KANK1: variants seen among roughly 807,000 people sequenced by gnomAD.
The protein encoded by KANK1 is KN motif and ankyrin repeat domains 1.
A neutral mutation model predicts 106.2 loss-of-function variants in KANK1; 109 were observed. The observed-to-expected ratio is 1.03, with a 90% CI of 0.88 to 1.20. The LOEUF is 1.20. Among genes scored for constraint, KANK1 ranks in the 50% most tolerant of loss-of-function variants. The pLI, the probability that KANK1 is intolerant of heterozygous loss-of-function variation, is 0.00. For missense variants in KANK1, 2,399 were observed against 1,710.7 expected (o/e 1.40, Z -7.10); for synonymous variants, 873 against 652.2 (o/e 1.34, Z -5.16).
Position 516,629 on chromosome 9 carries a change from C to T in KANK1, c.-84+11875C>T, listed in dbSNP as rs898108689. ...GCTGGGAATGACAGAAATGTGGGTG[C>T]GAAGTGCAGTGCAGAGACACTGGCT... On this transcript the variant is annotated intron_variant, in intron 1 of 11. Transcript: ENST00000382297. Among the ~76,000 whole-genome samples, 5 of 151,394 alleles carry T rather than the reference C, an allele frequency of 3.3e-5. 1 individual carries two copies. Among genetic ancestry groups the T allele is most frequent in the African/African-American group, 1.2e-4 (5 of 40,890 alleles).
chr9:615,168 C>G (rs1831504451), intron 1 of KANK1, among the ~76,000 whole-genome samples: 1 of 152,154 alleles, frequency 6.6e-6, no homozygotes, highest in Admixed American at 6.5e-5. Context: ...CTCCTGGCCT[C>G]AAGCAAGTCC....
chr9:671,762 A>G (rs2138636956), intron 1 of KANK1, among the ~76,000 whole-genome samples: 1 of 152,170 alleles, frequency 6.6e-6, no homozygotes. Context: ...AGCCTGGCCA[A>G]CATGGTGAAA....
rs3028170 is a variant in KANK1, at chr9:606,142, TACACACACAC to T, written c.-83-70717_-83-70708del. 7.6e-3 allele frequency among the ~76,000 whole-genome samples: 1,071 copies of T among 141,594 alleles called. 16 individuals are homozygous for T. Among genetic ancestry groups the T allele is most frequent in the East Asian group, 0.03 (148 of 4,862 alleles). 92.9% of individuals were successfully genotyped at this position (141,594 alleles called of 152,430 possible). On this transcript the variant is annotated intron_variant, in intron 1 of 11. Coordinates refer to ENST00000382297, the MANE Select transcript of KANK1 (RefSeq NM_015158.5). ...TATAGCATTGAATTACACATATTCC[TACACACACAC>T]ACACACACACACACACACACACACA...
At chr9:664,628 A>C (rs554143991) in intron 1 of KANK1, among the ~76,000 whole-genome samples, 2 of 152,322 alleles carry the variant, frequency 1.3e-5, no homozygotes, top group African/African-American at 4.8e-5. Flanking sequence ...ATAGTGCTGC[A>C]ATAAACATGC....
At chr9:492,274 A>G (rs2058390054) in intron 3 of KANK1, 2 of 152,238 alleles carry the variant, frequency 1.3e-5, no homozygotes, top group South Asian at 2.1e-4. Flanking sequence ...CTGCTTAAAT[A>G]GAATGATAGT....
At chr9:557,344 T>C (rs1425626856) in intron 1 of KANK1, among the ~76,000 whole-genome samples, 1 of 152,172 alleles carries the variant, frequency 6.6e-6, no homozygotes, top group Non-Finnish European at 1.5e-5. Flanking sequence ...AAAATATGTA[T>C]CATTGTTGAA....
intron 5 of KANK1, 104 bp from the exon 6 acceptor site, chr9:732,274 A>C (rs959123524): frequency 7.4e-7 from 1 of 1,356,930 alleles, no homozygotes; most frequent in African/African-American, 1.5e-5. Context: ...TAAAACCACT[A>C]GTGAAATTTC....
At position 730,028 on chromosome 9, in the gene KANK1, T is replaced by C. The variant is rs370326830; in HGVS notation, c.2699-23T>C. 140 of 1,606,664 alleles carry C rather than the reference T, an allele frequency of 8.7e-5. No homozygotes were observed. In the African/African-American group the frequency reaches 1.7e-3, roughly 20 times the overall value. ...TTTTCAGTCCTAGCATCACACACTC[T>C]GTACCTTTCTTTTTCCTGATAGGCA... On this transcript the variant is annotated intron_variant, in intron 3 of 11. Transcript: ENST00000382297.
At chr9:554,983 C>T (rs1241186717) in intron 1 of KANK1, among the ~76,000 whole-genome samples, 1 of 152,202 alleles carries the variant, frequency 6.6e-6, no homozygotes, top group African/African-American at 2.4e-5. Flanking sequence ...CTCTTCTTGG[C>T]ACACCCAGAA....
At position 711,932 on chromosome 9, in the gene KANK1, C is replaced by T. The variant is rs769614457; in HGVS notation, c.1166C>T (p.Ser389Phe). ...QKIQDSSCEASSELRENGECR... is the reference protein window; with the variant it reads ...QKIQDSSCEAFSELRENGECR... ...ATCCAGGACAGCAGCTGTGAGGCCT[C>T]CTCAGAGCTCAGGGAGAATGGAGAG... Residue 389 changes from serine (S) to phenylalanine (F), a missense_variant, in exon 3 of 12, where the codon TCC becomes TTC. Physicochemically the swap from Ser to Phe is radical, Grantham distance 155. Transcript: ENST00000382297. 3.6e-5 allele frequency: 58 copies of T among 1,614,146 alleles called. No homozygotes were observed. In the South Asian group the frequency reaches 5.9e-4, roughly 17 times the overall value.
intron 1 of KANK1, among the ~76,000 whole-genome samples, chr9:581,519 A>G (rs566502990): frequency 2.0e-5 from 1 of 49,198 alleles, no homozygotes; most frequent in South Asian, 5.8e-4. Context: ...GCTATGAACC[A>G]TTCTTCATTA....
chr9:505,547 C>T (rs373195003), intron 1 of KANK1, among the ~76,000 whole-genome samples: 2 of 152,216 alleles, frequency 1.3e-5, no homozygotes, highest in Admixed American at 1.3e-4. Flanking sequence ...GCTCCTTGAC[C>T]GTTCATCTCC....
At position 598,290 on chromosome 9, in the gene KANK1, A is replaced by C. The variant is rs541763683; in HGVS notation, c.-83-78600A>C. 5.9e-5 allele frequency among the ~76,000 whole-genome samples: 9 copies of C among 151,708 alleles called. No individual in the cohort carries two copies. The East Asian group carries it at 1.5e-3, about 26-fold the overall frequency. ...CTTTGTAGTAAGTTTTGAAATTGAG[A>C]AGTGAGAGTTCTTCAACTTTTTTCT... On this transcript the variant is annotated intron_variant, in intron 1 of 11. Transcript: ENST00000382297.
At chr9:730,457 C>T (rs1314600261) in intron 4 of KANK1, 6 of 562,070 alleles carry the variant, frequency 1.1e-5, no homozygotes, top group South Asian at 2.0e-5. Flanking sequence ...TTTGGGAGGC[C>T]AAGGCAGGCA....
rs117712204 is a variant in KANK1 at position 591,443 on chromosome 9, G to A, written c.-83-85447G>A. 3.4e-3 allele frequency among the ~76,000 whole-genome samples: 512 copies of A among 151,734 alleles called. 4 individuals carry two copies. Among genetic ancestry groups the A allele is most frequent in the Non-Finnish European group, 3.8e-3 (260 of 68,004 alleles). ...CTCGTCATGGCATTCTTGTTATCAT[G>A]GCCTGCAGGGCCTGGCACGATCTTG... On this transcript the variant is annotated intron_variant, in intron 1 of 11. Coordinates refer to ENST00000382297, the MANE Select transcript of KANK1 (RefSeq NM_015158.5).
chr9:712,206 C>T lies in KANK1; in HGVS notation c.1440C>T (p.Thr480=), dbSNP rs1159882075. 2 of 1,614,186 alleles carry T rather than the reference C, an allele frequency of 1.2e-6. No homozygotes were observed. Among genetic ancestry groups the T allele is most frequent in the South Asian group, 2.2e-5 (2 of 91,080 alleles). The change falls in exon 3 of 12, where the codon ACC becomes ACT. Residue 480 remains threonine, a synonymous_variant. Transcript: ENST00000382297. ...TAGAAGTACAGCTTAGAGAAACCAC[C>T]CATGACCGGGAGATGACTAAACTGA... ...YRLEVQLRET[T]HDREMTKLKQ... is the part of the protein sequence containing the mutation.
rs150809592 is a variant in KANK1, at chr9:697,646, CT to C, written c.38-13156del. Among the ~76,000 whole-genome samples the C allele has an allele frequency of 8.1e-3, 1,235 of 152,118 alleles. 22 individuals are homozygous for C. Among genetic ancestry groups the C allele is most frequent in the African/African-American group, 0.029 (1,187 of 41,468 alleles). ...TGGTGATTTTCTGTTGACATAATTC[CT>C]TGTATATATTAGTTGGTATTCCTAC... On this transcript the variant is annotated intron_variant, in intron 2 of 11. Transcript: ENST00000382297.
intron 1 of KANK1, among the ~76,000 whole-genome samples, chr9:568,037 C>G (rs371756946): frequency 2.6e-5 from 4 of 151,230 alleles, no homozygotes; most frequent in Admixed American, 1.3e-4. Flanking sequence ...CTATGATTAT[C>G]TTCATTTTAC....
chr9:693,387 G>A (rs1820459950), intron 2 of KANK1: 4 of 985,338 alleles, frequency 4.1e-6, no homozygotes, highest in South Asian at 9.4e-5. Context: ...CACAAACAAT[G>A]AGGAAACATT....
Sources: gnomAD v4.1 joint callset for allele counts (sites outside exome capture counted in the v4.1 genomes callset) on GRCh38, gnomAD v4.1.1 for gene constraint, MANE v1.5 for transcripts, NCBI Gene and HGNC (gene_info 2026-07-23, HGNC 2026-07-21) for gene names.